Variants in CDIN1 observed in about 807,000 individuals in gnomAD.
CDIN1 encodes CDAN1-interacting nuclease 1.
In CDIN1, 33 loss-of-function variants were observed where a neutral mutation model predicts 45.3. The observed-to-expected ratio is 0.73, with a 90% CI of 0.55 to 0.97. The LOEUF is 0.97. Ranked by LOEUF, CDIN1 falls within the 50% of genes least tolerant of loss-of-function variation. CDIN1 has a pLI of 0.00. For missense variants in CDIN1, 303 were observed against 339.4 expected (o/e 0.89, Z 0.84); for synonymous variants, 118 against 124.4 (o/e 0.95, Z 0.34).
chr15:36,617,494 T>C (rs1022215361), intron 1 of CDIN1: 12 of 891,478 alleles, frequency 1.3e-5, no homozygotes, highest in Non-Finnish European at 2.3e-5. Context: ...ACGAGAAAAT[T>C]TGTCAAAGAA....
chr15:36,634,169 G>A (rs770724652), intron 1 of CDIN1, among the ~76,000 whole-genome samples: 4 of 152,012 alleles, frequency 2.6e-5, no homozygotes, highest in Admixed American at 6.6e-5. Flanking sequence ...GGTGACTCAC[G>A]CCTGTAATCG....
chr15:36,617,954 A>G (rs2038975651), intron 1 of CDIN1: 1 of 763,970 alleles, frequency 1.3e-6, no homozygotes, highest in Admixed American at 1.7e-5. Flanking sequence ...GGATTCTAGT[A>G]TCTATAGTCA....
At chr15:36,595,666 C>T (rs1455114184) in intron 1 of CDIN1, among the ~76,000 whole-genome samples, 2 of 152,190 alleles carry the variant, frequency 1.3e-5, no homozygotes, top group African/African-American at 2.4e-5. Context: ...CTCTGAAGCA[C>T]TGAGGTTTGA....
chr15:36,639,623 G>A (rs1165101765), intron 1 of CDIN1, among the ~76,000 whole-genome samples: 1 of 152,090 alleles, frequency 6.6e-6, no homozygotes, highest in African/African-American at 2.4e-5. Context: ...ACACAATACA[G>A]TATTCACAAC....
intron 10 of CDIN1, among the ~76,000 whole-genome samples, chr15:36,753,562 A>G (rs1320644055): frequency 1.3e-5 from 2 of 151,866 alleles, no homozygotes; most frequent in African/African-American, 4.8e-5. Context: ...TGAAATTTTT[A>G]TCAATGGTAT....
chr15:36,610,070 A>G (rs984701553), intron 1 of CDIN1, among the ~76,000 whole-genome samples: 7 of 152,238 alleles, frequency 4.6e-5, no homozygotes, highest in African/African-American at 1.7e-4. Context: ...AGAGGTCTCA[A>G]AGACTGGCTA....
intron 5 of CDIN1, among the ~76,000 whole-genome samples, chr15:36,661,887 C>T (rs1037661332): frequency 6.6e-6 from 1 of 152,032 alleles, no homozygotes; most frequent in Non-Finnish European, 1.5e-5. Context: ...ATGGAAATAT[C>T]CTTAAACAGG....
chr15:36,696,182 T>C (rs1489663205), intron 7 of CDIN1, among the ~76,000 whole-genome samples: 2 of 152,164 alleles, frequency 1.3e-5, no homozygotes, highest in Non-Finnish European at 2.9e-5. Flanking sequence ...GCCTACCACA[T>C]AGTAAGCACT....
intron 10 of CDIN1, among the ~76,000 whole-genome samples, chr15:36,738,520 C>T (rs2044115799): frequency 6.6e-6 from 1 of 152,078 alleles, no homozygotes; most frequent in African/African-American, 2.4e-5. Context: ...CATCTCCTAC[C>T]ACACACTCCC....
intron 1 of CDIN1, among the ~76,000 whole-genome samples, chr15:36,643,719 C>A (rs1307032737): frequency 6.6e-6 from 1 of 152,134 alleles, no homozygotes; most frequent in Non-Finnish European, 1.5e-5. Flanking sequence ...ACTCCAAGGA[C>A]CTCTGCTTCC....
At chr15:36,788,075 CAT>C (rs201682731) in intron 10 of CDIN1, among the ~76,000 whole-genome samples, 83 of 56,160 alleles carry the variant, frequency 1.5e-3, no homozygotes, top group African/African-American at 5.6e-3. Flanking sequence ...TAATTTTATA[CAT>C]ATATATATAT....
chr15:36,768,813 A>C (rs2053993313), intron 10 of CDIN1, among the ~76,000 whole-genome samples: 1 of 152,144 alleles, frequency 6.6e-6, no homozygotes, highest in South Asian at 2.1e-4. Flanking sequence ...GAAGAGTAAA[A>C]GAATGAAGGT....
Position 36,666,538 on chromosome 15 carries a change from C to T in CDIN1, c.346+8633C>T, listed in dbSNP as rs1200067636. Among the ~76,000 whole-genome samples the T allele has an allele frequency of 6.6e-5, 10 of 152,264 alleles. No homozygotes were observed. In the East Asian group the frequency reaches 1.9e-3, roughly 29 times the overall value. On this transcript the variant is annotated intron_variant, in intron 5 of 10. Transcript: ENST00000566621. ...GTTATATTGTGCCTATTGTATAGATCTCTGTTTAATCGTGTTATTTTCTCC... is the reference window on the plus strand; with the variant it reads ...GTTATATTGTGCCTATTGTATAGATTTCTGTTTAATCGTGTTATTTTCTCC...
At chr15:36,686,482 T>C (rs1178260203) in intron 5 of CDIN1, among the ~76,000 whole-genome samples, 4 of 148,526 alleles carry the variant, frequency 2.7e-5, no homozygotes, top group African/African-American at 5.0e-5. Flanking sequence ...GTGGGTGCAG[T>C]GCACCAGCAT....
intron 1 of CDIN1, among the ~76,000 whole-genome samples, chr15:36,601,064 CAA>C (rs200247196): frequency 7.1e-6 from 1 of 140,766 alleles, no homozygotes; most frequent in African/African-American, 2.6e-5. Flanking sequence ...GTAGGGGTAT[CAA>C]AAAAAAAAAA....
intron 8 of CDIN1, chr15:36,704,946 A>G (rs1163072567): frequency 6.6e-6 from 1 of 152,304 alleles, no homozygotes; most frequent in East Asian, 1.9e-4. Flanking sequence ...GTATATGTTA[A>G]CTAGTTTCAG....
intron 10 of CDIN1, among the ~76,000 whole-genome samples, chr15:36,726,495 GA>G (rs367688352): frequency 5.7e-4 from 87 of 152,216 alleles, no homozygotes; most frequent in African/African-American, 2.0e-3. Flanking sequence ...TTCTGTTCAG[GA>G]TTTTGTATAA....
chr15:36,696,813 A>T (rs1273783967), intron 7 of CDIN1, among the ~76,000 whole-genome samples: 3 of 152,086 alleles, frequency 2.0e-5, no homozygotes, highest in African/African-American at 7.2e-5. Flanking sequence ...CAAAATATAT[A>T]TAAAAATTAT....
intron 10 of CDIN1, among the ~76,000 whole-genome samples, chr15:36,751,227 T>TATATATATATATA (rs1491560687): frequency 5.8e-5 from 2 of 34,396 alleles, no homozygotes; most frequent in Non-Finnish European, 9.7e-5. Flanking sequence ...TATATGCTTA[T>TATATATATATATA]TTTATATATA....
Sources: gnomAD v4.1 joint callset for allele counts (sites outside exome capture counted in the v4.1 genomes callset) on GRCh38, gnomAD v4.1.1 for gene constraint, MANE v1.5 for transcripts, NCBI Gene and HGNC (gene_info 2026-07-23, HGNC 2026-07-21) for gene names.